The following PCDHGA2 variants were observed in gnomAD, a reference collection of about 807,000 sequenced individuals.
PCDHGA2 encodes protocadherin gamma-A2.
A neutral mutation model predicts 59.2 loss-of-function variants in PCDHGA2; 40 were observed. That is an observed-to-expected ratio of 0.68 (90% CI 0.52 to 0.88). The LOEUF (loss-of-function observed/expected upper bound fraction) is 0.88, where lower values mean the gene tolerates loss of function less well. Ranked by LOEUF, PCDHGA2 falls within the 40% of genes least tolerant of loss-of-function variation. The probability of loss-of-function intolerance (pLI) is 0.00; values close to 1 mark genes in which losing one functional copy is unlikely to be tolerated. For missense variants in PCDHGA2, 1,226 were observed against 1,204.0 expected, an observed-to-expected ratio of 1.02 and a Z score of -0.27; for synonymous variants, 560 against 526.0, an observed-to-expected ratio of 1.06 and a Z score of -0.89.
chr5:141,340,404 AC>A lies in PCDHGA2; in HGVS notation c.1437del (p.Asp480ThrfsTer8). Reference protein sequence around the residue: ...GASVFSVTAHDPDSNDNAHVT... With the variant: ...GASVFSVTAHXPDSNDNAHVT... ...TCTGTCTTCTCAGTGACGGCCCATGACCCCGACAGCAACGACAATGCTCATG... is the reference window on the plus strand; with the variant it reads ...TCTGTCTTCTCAGTGACGGCCCATGACCCGACAGCAACGACAATGCTCATG... On this transcript the variant is annotated frameshift_variant, in exon 1 of 4. Coordinates refer to ENST00000394576, the MANE Select transcript of PCDHGA2 (RefSeq NM_018915.4). LOFTEE classifies it high-confidence loss of function. 6.2e-7 allele frequency: 1 copy of A among 1,613,912 alleles called. No homozygotes were observed. The highest frequency in any genetic ancestry group is 8.5e-7 in the Non-Finnish European group (1 of 1,179,978).
chr5:141,469,834 T>C (rs1228732202), intron 1 of PCDHGA2, among the ~76,000 whole-genome samples: 4 of 152,068 alleles, frequency 2.6e-5, no homozygotes, highest in African/African-American at 9.7e-5. Context: ...ACATAAAACT[T>C]ATTCTTAAGA....
At chr5:141,360,760 C>T (rs1420224824) in intron 1 of PCDHGA2, 2 of 1,613,820 alleles carry the variant, frequency 1.2e-6, no homozygotes, top group East Asian at 4.5e-5. Context: ...CAGTTTACAT[C>T]AATTGGTCCT....
At chr5:141,401,900 AATT>A (rs1215744256) in intron 1 of PCDHGA2, among the ~76,000 whole-genome samples, 1 of 152,196 alleles carries the variant, frequency 6.6e-6, no homozygotes, top group Non-Finnish European at 1.5e-5. Flanking sequence ...CTTTTTCCCA[AATT>A]ATTATATAAG....
intron 1 of PCDHGA2, chr5:141,343,779 G>A (rs1757323091): frequency 2.4e-6 from 1 of 414,320 alleles, no homozygotes; most frequent in South Asian, 6.1e-5. Context: ...AGGCCTCTTA[G>A]TGTCGCTGTT....
At position 141,339,175 on chromosome 5, in the gene PCDHGA2, C is replaced by T; in HGVS notation, c.204C>T (p.Ser68=). 2.5e-6 allele frequency: 4 copies of T among 1,614,122 alleles called. No homozygotes were observed. The highest frequency in any genetic ancestry group is 3.4e-6 in the Non-Finnish European group (4 of 1,179,948). Residue 68 remains serine, a synonymous_variant, in exon 1 of 4, where the codon TCC becomes TCT. Transcript: ENST00000394576. Reference sequence around the variant, plus strand: ...CAGAGCAGGGAGTCCGCATCGTCTCCAGAGGTAGGTCCCAGCTCTTTGCTC... The same window carrying T: ...CAGAGCAGGGAGTCCGCATCGTCTCTAGAGGTAGGTCCCAGCTCTTTGCTC... ...ALAEQGVRIV[S]RGRSQLFALN...
chr5:141,445,825 G>A (rs1031190864), intron 1 of PCDHGA2, among the ~76,000 whole-genome samples: 8 of 152,124 alleles, frequency 5.3e-5, no homozygotes, highest in Non-Finnish European at 1.2e-4. Context: ...AATAAGGCAG[G>A]GAGAGCCTTG....
rs771608897 is a variant in PCDHGA2, at chr5:141,490,857, C to T, written c.2425-3950C>T. 58 of 1,613,714 alleles carry T rather than the reference C, an allele frequency of 3.6e-5. 1 individual carries two copies. The highest frequency in any genetic ancestry group is 1.8e-4 in the Admixed American group (11 of 59,992). Reference sequence around the variant, plus strand: ...AGATTGTGGTGGGGGTTCGAGACTCCGGCTCTCCCCCATTGCATGCCAACA... The same window carrying T: ...AGATTGTGGTGGGGGTTCGAGACTCTGGCTCTCCCCCATTGCATGCCAACA... On this transcript the variant is annotated intron_variant, in intron 1 of 3. Transcript: ENST00000394576. The surrounding 1 kb of genome is among the most constrained non-coding windows in gnomAD (Gnocchi z 5.4).
At chr5:141,453,145 G>A (rs1329081754) in intron 1 of PCDHGA2, among the ~76,000 whole-genome samples, 3 of 151,752 alleles carry the variant, frequency 2.0e-5, no homozygotes, top group Admixed American at 6.6e-5. Context: ...ATAGGGTCTC[G>A]CTATGTCACC....
intron 1 of PCDHGA2, chr5:141,389,474 G>A (rs1476860129): frequency 1.2e-6 from 2 of 1,613,168 alleles, no homozygotes; most frequent in East Asian, 2.2e-5. Flanking sequence ...AACTCACACT[G>A]CAGGCCCGCG....
At chr5:141,389,328 A>T in intron 1 of PCDHGA2, 1 of 1,613,972 alleles carries the variant, frequency 6.2e-7, no homozygotes. Flanking sequence ...CTTGGGGCCC[A>T]ACGGCCAAGT....
In PCDHGA2 at chr5:141,423,270, T is replaced by G. The variant is rs1304998648; in HGVS notation, c.2425-71537T>G. 3 of 1,613,686 alleles carry G rather than the reference T, an allele frequency of 1.9e-6. No homozygotes were observed. The African/African-American group carries it at 4.0e-5, about 22-fold the overall frequency. ...TGGCGGACCTCGGCAGCCTCGAGTC[T>G]CTGGCTAACTCTGAAACCTCAGACC... is the stretch of plus-strand genomic sequence containing the variant. On this transcript the variant is annotated intron_variant, in intron 1 of 3. Transcript: ENST00000394576.
At chr5:141,440,443 T>A (rs979101512) in intron 1 of PCDHGA2, 2 of 152,152 alleles carry the variant, frequency 1.3e-5, no homozygotes, top group Admixed American at 1.3e-4. Flanking sequence ...CAAGGCGCCA[T>A]CTCAAAAAAA....
chr5:141,347,994 C>G (rs937377078), intron 1 of PCDHGA2, among the ~76,000 whole-genome samples: 1 of 152,194 alleles, frequency 6.6e-6, no homozygotes, highest in Non-Finnish European at 1.5e-5. Context: ...AGGAATATGT[C>G]TCAGCCTCTG....
chr5:141,485,995 T>G lies in PCDHGA2; in HGVS notation c.2425-8812T>G. 1 of 1,614,176 alleles carries G rather than the reference T, an allele frequency of 6.2e-7. No individual in the cohort carries two copies. On this transcript the variant is annotated intron_variant, in intron 1 of 3. Transcript: ENST00000394576. The surrounding 1 kb of genome is among the most constrained non-coding windows in gnomAD (Gnocchi z 5.7). ...CCTCAGACCCGGACCTGGGTCCCAG[T>G]GGTAACGTCACCTTTTATTTCAGTG...
chr5:141,400,503 G>T, intron 1 of PCDHGA2: 1 of 1,614,022 alleles, frequency 6.2e-7, no homozygotes, highest in Non-Finnish European at 8.5e-7. Context: ...ATTCCAGCGA[G>T]TCGACTTCCC....
chr5:141,478,415 C>T, intron 1 of PCDHGA2: 1 of 1,613,648 alleles, frequency 6.2e-7, no homozygotes, highest in Non-Finnish European at 8.5e-7. Flanking sequence ...CACGGACTCC[C>T]GCCGCAGCGA....
At chr5:141,394,743 G>A (rs928437652) in intron 1 of PCDHGA2, 4 of 1,613,314 alleles carry the variant, frequency 2.5e-6, no homozygotes, top group Non-Finnish European at 3.4e-6. Flanking sequence ...GAGCCTCGTG[G>A]TGGCCGTCCA....
chr5:141,395,558 G>A (rs60237573), intron 1 of PCDHGA2: 1 of 127,936 alleles, frequency 7.8e-6, no homozygotes, highest in South Asian at 2.0e-4. Flanking sequence ...GTGTGTGTGT[G>A]TGTGTGTGTG....
At position 141,340,214 on chromosome 5, in the gene PCDHGA2, T is replaced by A. The variant is rs963735061; in HGVS notation, c.1243T>A (p.Phe415Ile). 4 of 1,614,044 alleles carry A rather than the reference T, an allele frequency of 2.5e-6. No homozygotes were observed. The highest frequency in any genetic ancestry group is 3.4e-6 in the Non-Finnish European group (4 of 1,179,988). The stretch of plus-strand genomic sequence containing the variant: ...AACCAGAGCCCTTGACAGGGAACAG[T>A]TTTCCTTTTACAACATCACTCTAAC... ...VTTRALDREQ[F>I]SFYNITLTAK... The change falls in exon 1 of 4, where the codon TTT (phenylalanine) becomes ATT (isoleucine). Residue 415 changes from phenylalanine (F) to isoleucine (I), a missense_variant. Physicochemically the swap from Phe to Ile is conservative, Grantham distance 21. Transcript: ENST00000394576.
Sources: gnomAD v4.1 joint callset for allele counts (sites outside exome capture counted in the v4.1 genomes callset) on GRCh38, gnomAD v4.1.1 for gene constraint, Gnocchi (gnomAD v3.1) non-coding constraint, MANE v1.5 for transcripts, NCBI Gene and HGNC (gene_info 2026-07-23, HGNC 2026-07-21) for gene names.